The following LHFPL7 variants were observed in gnomAD, a reference collection of about 807,000 sequenced individuals.
LHFPL7 encodes LHFPL tetraspan subfamily member 7 protein.
At chr22:24,941,274 T>A in the LHFPL7 span, among the ~76,000 whole-genome samples, 18 of 152,066 alleles carry the variant, frequency 1.2e-4, no homozygotes, top group African/African-American at 4.3e-4. Flanking sequence ...ATTCAAACAG[T>A]TCCCCTGCCT....
chr22:24,939,711 C>G, the LHFPL7 span, among the ~76,000 whole-genome samples: 2 of 152,072 alleles, frequency 1.3e-5, no homozygotes, highest in African/African-American at 4.8e-5. Context: ...GTACTAATAA[C>G]TGTGGTCTGG....
the LHFPL7 span, chr22:24,935,545 G>A: frequency 6.2e-7 from 1 of 1,613,618 alleles, no homozygotes; most frequent in African/African-American, 1.3e-5. Context: ...TTGATGAATG[G>A]GGAGGCAAGG....
the LHFPL7 span, among the ~76,000 whole-genome samples, chr22:24,943,794 GA>G: frequency 6.6e-6 from 1 of 152,182 alleles, no homozygotes; most frequent in Admixed American, 6.5e-5. Flanking sequence ...CTGCCCAGGG[GA>G]CAGGGATGAT....
At chr22:24,937,081 T>G in the LHFPL7 span, among the ~76,000 whole-genome samples, 1 of 152,242 alleles carries the variant, frequency 6.6e-6, no homozygotes, top group African/African-American at 2.4e-5. Context: ...CTCATGGAGC[T>G]GATGTTCTTT....
At chr22:24,942,611 C>CA in the LHFPL7 span, among the ~76,000 whole-genome samples, 2 of 152,216 alleles carry the variant, frequency 1.3e-5, no homozygotes, top group Non-Finnish European at 1.5e-5. Context: ...GGTTAGAGGC[C>CA]AACCAACCAC....
At chr22:24,940,251 T>G in the LHFPL7 span, among the ~76,000 whole-genome samples, 2 of 145,392 alleles carry the variant, frequency 1.4e-5, no homozygotes. Flanking sequence ...CCATGGAGCC[T>G]CCTCTGTTCT....
the LHFPL7 span, chr22:24,935,275 T>C: frequency 3.4e-5 from 53 of 1,555,484 alleles, no homozygotes; most frequent in African/African-American, 2.7e-5. Context: ...TGAAGTTGGC[T>C]ACATGATGAT....
the LHFPL7 span, among the ~76,000 whole-genome samples, chr22:24,944,094 C>G: frequency 6.6e-6 from 1 of 152,088 alleles, no homozygotes; most frequent in Non-Finnish European, 1.5e-5. Flanking sequence ...CAAAATATAG[C>G]AATATGTCCA....
chr22:24,940,400 T>C, the LHFPL7 span, among the ~76,000 whole-genome samples: 1 of 149,224 alleles, frequency 6.7e-6, no homozygotes, highest in South Asian at 2.1e-4. Flanking sequence ...GAGAACATCC[T>C]GGCTAACACG....
chr22:24,943,937 A>G, the LHFPL7 span, among the ~76,000 whole-genome samples: 23 of 152,122 alleles, frequency 1.5e-4, no homozygotes, highest in Non-Finnish European at 2.6e-4. Context: ...TTCTCTGTAA[A>G]TTGGAGGGGT....
chr22:24,939,900 G>T, the LHFPL7 span, among the ~76,000 whole-genome samples: 1 of 134,650 alleles, frequency 7.4e-6, no homozygotes, highest in Admixed American at 7.4e-5. Flanking sequence ...TTGTTCATTT[G>T]TTCGTTCGTT....
the LHFPL7 span, among the ~76,000 whole-genome samples, chr22:24,941,277 C>T: frequency 5.9e-5 from 9 of 151,960 alleles, no homozygotes; most frequent in Non-Finnish European, 1.2e-4. Context: ...CAAACAGTTC[C>T]CCTGCCTCAG....
chr22:24,936,161 A>G, the LHFPL7 span, among the ~76,000 whole-genome samples: 2 of 151,428 alleles, frequency 1.3e-5, no homozygotes, highest in Non-Finnish European at 2.9e-5. Flanking sequence ...TCATCCATCC[A>G]CTCAGCCATG....
the LHFPL7 span, among the ~76,000 whole-genome samples, chr22:24,940,933 T>A: frequency 6.6e-6 from 1 of 152,078 alleles, no homozygotes; most frequent in Non-Finnish European, 1.5e-5. Context: ...ATTTTTATTT[T>A]TTTGCAGAGA....
the LHFPL7 span, among the ~76,000 whole-genome samples, chr22:24,940,167 C>T: frequency 2.7e-5 from 4 of 149,560 alleles, no homozygotes; most frequent in Non-Finnish European, 5.9e-5. Context: ...ACCTTGTGAT[C>T]CGCCTGCCTC....
the LHFPL7 span, among the ~76,000 whole-genome samples, chr22:24,945,943 G>C: frequency 5.3e-5 from 8 of 152,216 alleles, no homozygotes; most frequent in African/African-American, 1.9e-4. Flanking sequence ...CTGAGCCTCA[G>C]GTTCCCCATC....
At chr22:24,944,844 T>C in the LHFPL7 span, among the ~76,000 whole-genome samples, 4 of 152,108 alleles carry the variant, frequency 2.6e-5, no homozygotes, top group South Asian at 8.3e-4. Context: ...CGAGTCTTGC[T>C]GTGTCGCCAG....
At chr22:24,936,924 G>A in the LHFPL7 span, among the ~76,000 whole-genome samples, 6 of 103,394 alleles carry the variant, frequency 5.8e-5, no homozygotes, top group African/African-American at 1.4e-4. Context: ...CCCCCCCGCC[G>A]CCCAACAAAC....
At chr22:24,945,212 A>G in the LHFPL7 span, among the ~76,000 whole-genome samples, 3 of 151,952 alleles carry the variant, frequency 2.0e-5, no homozygotes, top group Non-Finnish European at 4.4e-5. Flanking sequence ...CTGGCTTTTC[A>G]CTTGTGAGTG....
Sources: gnomAD v4.1 joint callset for allele counts (sites outside exome capture counted in the v4.1 genomes callset) on GRCh38, gnomAD v4.1.1 for gene constraint, MANE v1.5 for transcripts, NCBI Gene and HGNC (gene_info 2026-07-23, HGNC 2026-07-21) for gene names.